Variants in DOCK2 observed in about 807,000 individuals in gnomAD.
DOCK2 encodes the protein dedicator of cytokinesis 2.
A neutral mutation model predicts 248.9 loss-of-function variants in DOCK2; 87 were observed. That is an observed-to-expected ratio of 0.35 (90% CI 0.29 to 0.42). The LOEUF (loss-of-function observed/expected upper bound fraction) is 0.42, where lower values mean the gene tolerates loss of function less well. Among genes scored for constraint, DOCK2 ranks in the 10% least tolerant of loss-of-function variants. The pLI is 1.00. For missense variants in DOCK2, 1,747 were observed against 2,300.2 expected (o/e 0.76, Z 4.92); for synonymous variants, 805 against 821.6 (o/e 0.98, Z 0.35).
intron 22 of DOCK2, among the ~76,000 whole-genome samples, chr5:169,729,681 A>G (rs937062352): frequency 1.3e-5 from 2 of 152,166 alleles, no homozygotes; most frequent in Non-Finnish European, 2.9e-5. Flanking sequence ...GGAAAAACAT[A>G]GAGAAATGAA....
intron 5 of DOCK2, 34 bp from the exon 6 acceptor site, chr5:169,674,263 C>T (rs746362515): frequency 1.9e-6 from 3 of 1,611,358 alleles, no homozygotes; most frequent in South Asian, 2.2e-5. Context: ...GCCCCTTTAA[C>T]ACAGGTAATT....
intron 44 of DOCK2, among the ~76,000 whole-genome samples, chr5:170,066,055 C>T (rs1344472304): frequency 6.6e-6 from 1 of 150,896 alleles, no homozygotes; most frequent in Non-Finnish European, 1.5e-5. Flanking sequence ...GGGCTCATGC[C>T]ATTCTCCTGT....
chr5:170,057,746 T>C (rs1344284894), intron 44 of DOCK2, 80 bp downstream of exon 44: 5 of 1,264,072 alleles, frequency 4.0e-6, no homozygotes, highest in Non-Finnish European at 3.3e-6. Flanking sequence ...CCCCTTTGAC[T>C]TTAAAAAGGA....
intron 27 of DOCK2, among the ~76,000 whole-genome samples, chr5:169,976,253 T>G (rs1777714299): frequency 6.6e-6 from 1 of 152,122 alleles, no homozygotes; most frequent in African/African-American, 2.4e-5. Context: ...CGTGGCGGGT[T>G]TTTAAGAGAA....
intron 27 of DOCK2, among the ~76,000 whole-genome samples, chr5:169,873,860 G>C (rs1191689904): frequency 6.6e-6 from 1 of 152,142 alleles, no homozygotes; most frequent in Non-Finnish European, 1.5e-5. Context: ...CAGCTCTCTG[G>C]AGCCTCTCTC....
rs142207726 is a variant in DOCK2, at chr5:169,899,871, T to C, written c.2799+59019T>C. Among the ~76,000 whole-genome samples the C allele has an allele frequency of 2.6e-3, 401 of 152,348 alleles. 1 individual carries two copies. The highest frequency in any genetic ancestry group is 4.6e-3 in the Non-Finnish European group (312 of 68,026). ...TTCCAGAAAAAAATTAAGCAGACTC[T>C]TACAGCCCTAATTAATGCTATCAGG... On this transcript the variant is annotated intron_variant, in intron 27 of 51. Coordinates refer to ENST00000520908, the MANE Select transcript of DOCK2 (RefSeq NM_004946.3).
chr5:169,802,025 AT>A (rs34538994), intron 25 of DOCK2, among the ~76,000 whole-genome samples: 13,126 of 146,420 alleles, frequency 0.09, 755 homozygotes, highest in Non-Finnish European at 0.13. Context: ...ACATGTTTGG[AT>A]TTTTTTTTTT....
intron 1 of DOCK2, among the ~76,000 whole-genome samples, chr5:169,642,818 G>A (rs1266633361): frequency 6.6e-6 from 1 of 152,224 alleles, no homozygotes; most frequent in Non-Finnish European, 1.5e-5. Context: ...ATTTGAATGA[G>A]CCTTGAAGAC....
chr5:169,692,159 C>T (rs1760342532), intron 9 of DOCK2, among the ~76,000 whole-genome samples: 1 of 152,114 alleles, frequency 6.6e-6, no homozygotes, highest in South Asian at 2.1e-4. Flanking sequence ...TGGCCCTTTC[C>T]CTCTGTTTTG....
At chr5:169,925,579 TAAAAAAAAAAAAAA>T in intron 27 of DOCK2, among the ~76,000 whole-genome samples, 1 of 80,286 alleles carries the variant, frequency 1.2e-5, no homozygotes, top group Non-Finnish European at 2.4e-5. Flanking sequence ...GACTCTGTCT[TAAAAAAAAAAAAAA>T]AAAAAAAAAA....
intron 27 of DOCK2, among the ~76,000 whole-genome samples, chr5:169,856,576 A>T (rs1770908230): frequency 1.3e-5 from 2 of 152,042 alleles, no homozygotes; most frequent in African/African-American, 4.8e-5. Context: ...TTGATCCCTG[A>T]CTCTCAGCTA....
intron 22 of DOCK2, among the ~76,000 whole-genome samples, chr5:169,723,002 T>A (rs569074825): frequency 6.6e-6 from 1 of 152,332 alleles, no homozygotes; most frequent in Admixed American, 6.5e-5. Context: ...ATTCTGTGTG[T>A]TGCTCTTATT....
intron 27 of DOCK2, among the ~76,000 whole-genome samples, chr5:169,974,368 CTCTT>C (rs537852581): frequency 5.1e-4 from 77 of 152,296 alleles, no homozygotes; most frequent in African/African-American, 1.8e-3. Flanking sequence ...ATACTAACTT[CTCTT>C]TCTTCTGGTT....
intron 9 of DOCK2, among the ~76,000 whole-genome samples, chr5:169,694,366 CAAGATCACTGAAG>C (rs1204510579): frequency 6.6e-6 from 1 of 152,216 alleles, no homozygotes; most frequent in Non-Finnish European, 1.5e-5. Context: ...CAGGGGGCCT[CAAGATCACTGAAG>C]CTTTTAGATT....
chr5:170,044,912 G>T (rs1037954063), intron 38 of DOCK2, among the ~76,000 whole-genome samples: 1 of 151,970 alleles, frequency 6.6e-6, no homozygotes, highest in Non-Finnish European at 1.5e-5. Flanking sequence ...GCCAGCCTCC[G>T]GTCCACCCTG....
chr5:169,800,972 TTG>T (rs2113119720), intron 25 of DOCK2, among the ~76,000 whole-genome samples: 1 of 124,164 alleles, frequency 8.1e-6, no homozygotes, highest in East Asian at 2.3e-4. Context: ...TTTTTTTTTT[TTG>T]AGATGGAGTC....
In DOCK2 at chr5:170,078,865, A is replaced by G; in HGVS notation, c.4995-110A>G. On this transcript the variant is annotated intron_variant, in intron 48 of 51. Coordinates refer to ENST00000520908, the MANE Select transcript of DOCK2 (RefSeq NM_004946.3). Reference sequence around the variant, plus strand: ...TTTGCTGATCTACTCCAGACCCTGTAGTGACAGCTCAGGCAGCCCAAAGGT... The same window carrying G: ...TTTGCTGATCTACTCCAGACCCTGTGGTGACAGCTCAGGCAGCCCAAAGGT... The G allele has an allele frequency of 1.8e-5, 22 of 1,249,486 alleles. No homozygotes were observed. The South Asian group carries it at 2.8e-4, about 16-fold the overall frequency. The allele number at this position is 1,249,486 out of a possible 1,614,324, so 77.4% of individuals were successfully genotyped here.
chr5:170,039,406 T>C (rs1381526450), intron 36 of DOCK2, among the ~76,000 whole-genome samples: 6 of 152,220 alleles, frequency 3.9e-5, no homozygotes, highest in Non-Finnish European at 5.9e-5. Flanking sequence ...TTCATGCCTG[T>C]CTCTTCTCCT....
intron 33 of DOCK2, among the ~76,000 whole-genome samples, chr5:170,024,427 C>T (rs1262160211): frequency 1.3e-5 from 2 of 149,640 alleles, no homozygotes; most frequent in African/African-American, 5.0e-5. Flanking sequence ...TTGCCTCAGC[C>T]TCCTCATTTG....
Sources: allele counts gnomAD v4.1 joint callset (sites outside exome capture counted in the v4.1 genomes callset), GRCh38; gene constraint gnomAD v4.1.1; transcripts MANE v1.5; gene names NCBI Gene and HGNC (gene_info 2026-07-23, HGNC 2026-07-21).